ZNF354B: variants seen among roughly 807,000 people sequenced by gnomAD.
ZNF354B encodes the protein zinc finger protein 354B.
A neutral mutation model predicts 12.9 loss-of-function variants in ZNF354B; 10 were observed. The ratio of observed to expected loss-of-function variants is 0.77; its 90% confidence interval spans 0.48 to 1.31. The LOEUF is 1.31. Ranked by LOEUF, ZNF354B falls within the 40% of genes most tolerant of loss-of-function variation. The pLI is 0.00. For missense variants in ZNF354B, 614 were observed against 711.7 expected (o/e 0.86, Z 1.56); for synonymous variants, 260 against 243.7 (o/e 1.07, Z -0.62).
At chr5:178,864,491 C>T (rs186876485) in intron 2 of ZNF354B, among the ~76,000 whole-genome samples, 20 of 152,146 alleles carry the variant, frequency 1.3e-4, no homozygotes, top group African/African-American at 4.1e-4. Flanking sequence ...ATCGTTAATG[C>T]GACACACGAC....
chr5:178,863,860 A>G (rs76334857), intron 2 of ZNF354B, among the ~76,000 whole-genome samples: 4 of 152,120 alleles, frequency 2.6e-5, no homozygotes. Context: ...TAACAAAAAA[A>G]TTTTTAAAGT....
rs1349763893 is a variant in ZNF354B, at chr5:178,883,886, T to G, written c.1434T>G (p.Ser478Arg). ...TATGTGGAAAAGCCTTCAGACAGAG[T>G]TCCGCTCTCATTCAACATCAGAGAA... ...CKVCGKAFRQSSALIQHQRMH... is the reference protein window; with the variant it reads ...CKVCGKAFRQRSALIQHQRMH... The change falls in exon 5 of 5, where the codon AGT becomes AGG. Residue 478 changes from serine to arginine, a missense_variant. Coordinates refer to ENST00000322434, the MANE Select transcript of ZNF354B (RefSeq NM_058230.3). 1.2e-6 allele frequency: 2 copies of G among 1,613,626 alleles called. No homozygotes were observed. The highest frequency in any genetic ancestry group is 2.2e-5 in the East Asian group (1 of 44,840).
chr5:178,862,731 A>G (rs1328483606), intron 2 of ZNF354B, among the ~76,000 whole-genome samples: 2 of 152,182 alleles, frequency 1.3e-5, no homozygotes, highest in Non-Finnish European at 2.9e-5. Flanking sequence ...AGAACAGGCT[A>G]TTGTGCATTT....
rs1391062357 is a variant in ZNF354B at position 178,884,911 on chromosome 5, A to AG, written c.*622dup. On this transcript the variant is annotated 3_prime_UTR_variant, in exon 5 of 5. Transcript: ENST00000322434. ...ATATATATATGCAGTATTAGAGCAA[A>AG]GGACCAATAAGAGATAAAAACTAAC... 1 of 152,178 alleles carries AG rather than the reference A, an allele frequency of 6.6e-6. No homozygotes were observed. The highest frequency in any genetic ancestry group is 6.5e-5 in the Admixed American group (1 of 15,276). 9.4% of individuals were successfully genotyped at this position (152,178 alleles called of 1,614,324 possible).
chr5:178,862,138 G>A (rs1464314243), intron 2 of ZNF354B, among the ~76,000 whole-genome samples: 1 of 151,924 alleles, frequency 6.6e-6, no homozygotes, highest in Non-Finnish European at 1.5e-5. Flanking sequence ...ATGGGCTGAG[G>A]GCTTTACATT....
intron 2 of ZNF354B, among the ~76,000 whole-genome samples, chr5:178,862,582 A>G (rs1384805269): frequency 1.3e-5 from 2 of 151,924 alleles, no homozygotes; most frequent in Non-Finnish European, 2.9e-5. Context: ...GTTGGCCAGG[A>G]TGGCCTCAAT....
chr5:178,878,042 G>A (rs1476901588), intron 4 of ZNF354B, among the ~76,000 whole-genome samples: 1 of 152,152 alleles, frequency 6.6e-6, no homozygotes, highest in African/African-American at 2.4e-5. Flanking sequence ...ATGGGGAGGT[G>A]CTACTGATGT....
At chr5:178,866,192 C>T (rs1757449668) in intron 2 of ZNF354B, 52 bp from the exon 3 acceptor site, 13 of 1,605,518 alleles carry the variant, frequency 8.1e-6, no homozygotes, top group Non-Finnish European at 1.1e-5. Context: ...CTGCCGCCCC[C>T]TCCACTCTGT....
Position 178,883,286 on chromosome 5 carries a change from C to T in ZNF354B, c.834C>T (p.Ala278=), listed in dbSNP as rs779646949. 1 of 1,613,556 alleles carries T rather than the reference C, an allele frequency of 6.2e-7. No homozygotes were observed. Among genetic ancestry groups the T allele is most frequent in the East Asian group, 2.2e-5 (1 of 44,870 alleles). ...KPYICKECGK[A]FSHSASLCKH... ...ATATATGTAAAGAATGTGGGAAAGCCTTCAGCCATAGTGCATCCCTTTGTA... is the reference window on the plus strand; with the variant it reads ...ATATATGTAAAGAATGTGGGAAAGCTTTCAGCCATAGTGCATCCCTTTGTA... The change falls in exon 5 of 5, where the codon GCC becomes GCT. Residue 278 remains alanine (A), a synonymous_variant. Coordinates refer to ENST00000322434, the MANE Select transcript of ZNF354B (RefSeq NM_058230.3).
intron 4 of ZNF354B, among the ~76,000 whole-genome samples, chr5:178,875,697 C>T (rs771525467): frequency 1.3e-5 from 2 of 152,196 alleles, no homozygotes; most frequent in African/African-American, 2.4e-5. Flanking sequence ...GGGGGATCTA[C>T]TTGGTGAAGA....
At chr5:178,869,019 A>C (rs1757512495) in intron 4 of ZNF354B, among the ~76,000 whole-genome samples, 1 of 151,660 alleles carries the variant, frequency 6.6e-6, no homozygotes, top group Admixed American at 6.6e-5. Flanking sequence ...AAAGAAGTAA[A>C]GCCAGTGAGG....
At chr5:178,860,482 G>C (rs1184242529) in intron 1 of ZNF354B, among the ~76,000 whole-genome samples, 1 of 152,168 alleles carries the variant, frequency 6.6e-6, no homozygotes, top group Non-Finnish European at 1.5e-5. Context: ...CACTCCTCCT[G>C]CCTCGGGACA....
In ZNF354B at chr5:178,883,589, G is replaced by T; in HGVS notation, c.1137G>T (p.Glu379Asp). The change falls in exon 5 of 5, where the codon GAG becomes GAT. Residue 379 changes from glutamate (E) to aspartate (D), a missense_variant. Physicochemically the swap from Glu to Asp is conservative, Grantham distance 45. Coordinates refer to ENST00000322434, the MANE Select transcript of ZNF354B (RefSeq NM_058230.3). Reference protein sequence around the residue: ...LRYHQRIHTGEKPFKCSECGR... With the variant: ...LRYHQRIHTGDKPFKCSECGR... ...ATCATCAGAGAATTCACACTGGAGA[G>T]AAGCCTTTTAAATGTAGTGAATGTG... The T allele has an allele frequency of 6.2e-7, 1 of 1,613,800 alleles. No individual in the cohort carries two copies. The highest frequency in any genetic ancestry group is 2.2e-5 in the East Asian group (1 of 44,870).
rs754043790 is a variant in ZNF354B at position 178,883,370 on chromosome 5, C to G, written c.918C>G (p.Ser306=). The change falls in exon 5 of 5, where the codon TCC becomes TCG. Residue 306 remains serine, a synonymous_variant. Coordinates refer to ENST00000322434, the MANE Select transcript of ZNF354B (RefSeq NM_058230.3). Reference sequence around the variant, plus strand: ...ATAGATGTAAAGAATGTGGTAAATCCTTCAGTCGAAGGTCTGGGCTTTTTA... The same window carrying G: ...ATAGATGTAAAGAATGTGGTAAATCGTTCAGTCGAAGGTCTGGGCTTTTTA... ...KCYRCKECGK[S]FSRRSGLFIH... 5.0e-6 allele frequency: 8 copies of G among 1,613,970 alleles called. No homozygotes were observed. The highest frequency in any genetic ancestry group is 6.8e-6 in the Non-Finnish European group (8 of 1,179,978).
intron 4 of ZNF354B, among the ~76,000 whole-genome samples, chr5:178,872,217 A>G (rs938565274): frequency 4.0e-5 from 6 of 151,810 alleles, no homozygotes; most frequent in Non-Finnish European, 5.9e-5. Flanking sequence ...CAAGAATGTC[A>G]TATACATGGA....
Position 178,883,138 on chromosome 5 carries a change from T to C in ZNF354B, c.686T>C (p.Leu229Pro). ...AAAGCCTTCATTCACAATTCATCCC[T>C]TCGTAAACATCAGAAAAACCACACT... is the stretch of plus-strand genomic sequence containing the variant. ...CEKAFIHNSS[L>P]RKHQKNHTGE... The change falls in exon 5 of 5, where the codon CTT (leucine) becomes CCT (proline). Residue 229 changes from leucine to proline, a missense_variant. Physicochemically the swap from Leu to Pro is moderately conservative, Grantham distance 98. Transcript: ENST00000322434. 6.2e-7 allele frequency: 1 copy of C among 1,613,082 alleles called. No homozygotes were observed. Among genetic ancestry groups the C allele is most frequent in the Non-Finnish European group, 8.5e-7 (1 of 1,179,776 alleles).
Position 178,883,976 on chromosome 5 carries a change from G to A in ZNF354B, c.1524G>A (p.Ser508=), listed in dbSNP as rs147290462. 221 of 1,613,984 alleles carry A rather than the reference G, an allele frequency of 1.4e-4. No individual in the cohort carries two copies. The East Asian group carries it at 2.1e-3, about 15-fold the overall frequency. The part of the protein sequence containing the change: ...ECDKTFRCNS[S]LSNHQRIHTG... ...ACAAAACATTCAGGTGTAACTCATC[G>A]CTTAGTAATCACCAGAGAATTCATA... The change falls in exon 5 of 5, where the codon TCG becomes TCA. Residue 508 remains serine, a synonymous_variant. Transcript: ENST00000322434.
At chr5:178,881,273 TA>T (rs1009592611) in intron 4 of ZNF354B, among the ~76,000 whole-genome samples, 5 of 150,608 alleles carry the variant, frequency 3.3e-5, no homozygotes, top group Non-Finnish European at 5.9e-5. Context: ...GGGCAGGTGC[TA>T]TGATGTCTGT....
intron 4 of ZNF354B, among the ~76,000 whole-genome samples, chr5:178,873,439 T>C (rs1191238888): frequency 6.6e-6 from 1 of 152,234 alleles, no homozygotes; most frequent in African/African-American, 2.4e-5. Context: ...ACATTTATAT[T>C]CATGACACTT....
Sources: allele counts gnomAD v4.1 joint callset (sites outside exome capture counted in the v4.1 genomes callset), GRCh38; gene constraint gnomAD v4.1.1; transcripts MANE v1.5; gene names NCBI Gene and HGNC (gene_info 2026-07-23, HGNC 2026-07-21).